SARS2: variants seen among roughly 807,000 people sequenced by gnomAD.
SARS2 encodes the protein seryl-tRNA synthetase 2, mitochondrial.
In SARS2, 52 loss-of-function variants were observed where a neutral mutation model predicts 66.8. The ratio of observed to expected loss-of-function variants is 0.78; its 90% CI spans 0.62 to 0.98. The LOEUF is 0.98. Among genes scored for constraint, SARS2 ranks in the 50% least tolerant of loss-of-function variants. The probability of loss-of-function intolerance (pLI) is 0.00; values close to 1 mark genes in which losing one functional copy is unlikely to be tolerated. For missense variants in SARS2, 673 were observed against 706.3 expected (o/e 0.95, Z 0.53); for synonymous variants, 306 against 281.4 (o/e 1.09, Z -0.87).
chr19:38,921,834 G>T (rs1450878053), intron 3 of SARS2, 167 bp from the exon 4 acceptor site: 1 of 1,317,926 alleles, frequency 7.6e-7, no homozygotes, highest in South Asian at 1.3e-5. Context: ...CACATGGCAG[G>T]TTTGTGGGGA....
At chr19:38,916,680 T>TTTTG (rs1974424983) in intron 12 of SARS2, among the ~76,000 whole-genome samples, 1 of 150,974 alleles carries the variant, frequency 6.6e-6, no homozygotes, top group Non-Finnish European at 1.5e-5. Flanking sequence ...TTTTTTTTTT[T>TTTTG]GAGACGGAGT....
intron 1 of SARS2, among the ~76,000 whole-genome samples, chr19:38,929,054 T>G (rs1458318862): frequency 1.3e-5 from 2 of 150,316 alleles, no homozygotes; most frequent in Non-Finnish European, 3.0e-5. Context: ...CCGTCTCTAC[T>G]AAAAATACAA....
chr19:38,921,855 G>T, intron 3 of SARS2, 188 bp from the exon 4 acceptor site: 1 of 1,324,400 alleles, frequency 7.6e-7, no homozygotes, highest in South Asian at 1.3e-5. Flanking sequence ...AAAGAATCAG[G>T]CCTGGCCAAC....
At position 38,918,424 on chromosome 19, in the gene SARS2, G is replaced by C; in HGVS notation, c.914C>G (p.Ala305Gly). Residue 305 changes from alanine to glycine, a missense_variant and splice_region_variant, in exon 9 of 16, where the codon GCA becomes GGA. By Grantham distance (60) the Ala-to-Gly change is moderately conservative. Coordinates refer to ENST00000221431, the MANE Select transcript of SARS2 (RefSeq NM_017827.4). Reference protein sequence around the residue: ...NLAGTAEVGLAGYFMDHTVAF... With the variant: ...NLAGTAEVGLGGYFMDHTVAF... ...CCACCACCCACACAGGTCCTCACCTGCAAGCCCCACCTCCGCTGTTCCAGC... is the reference window on the plus strand; with the variant it reads ...CCACCACCCACACAGGTCCTCACCTCCAAGCCCCACCTCCGCTGTTCCAGC... 3.7e-6 allele frequency: 6 copies of C among 1,613,178 alleles called. No homozygotes were observed. Among genetic ancestry groups the C allele is most frequent in the Non-Finnish European group, 3.4e-6 (4 of 1,179,134 alleles).
intron 12 of SARS2, 44 bp downstream of exon 12, chr19:38,917,680 T>G: frequency 1.1e-5 from 7 of 616,926 alleles, no homozygotes; most frequent in East Asian, 3.8e-5. Context: ...GTCCCTCCCC[T>G]ACCCCACCCC....
intron 15 of SARS2, 37 bp from the exon 16 acceptor site, chr19:38,915,786 C>T (rs1436543666): frequency 6.2e-7 from 1 of 1,612,440 alleles, no homozygotes; most frequent in African/African-American, 1.3e-5. Context: ...CTGCAGATGC[C>T]CCAGCCCTCC....
In SARS2 at chr19:38,920,954, C is replaced by G. The variant is rs58137960; in HGVS notation, c.589+438G>C. ...ACACACATAGACACACACACACAGA[C>G]ACAGACACAGATACAGACACACACA... On this transcript the variant is annotated intron_variant, in intron 5 of 15. Coordinates refer to ENST00000221431, the MANE Select transcript of SARS2 (RefSeq NM_017827.4). Among the ~76,000 whole-genome samples the G allele has an allele frequency of 2.1e-3, 87 of 41,246 alleles. 1 individual carries two copies. Among genetic ancestry groups the G allele is most frequent in the Non-Finnish European group, 2.8e-3 (62 of 21,780 alleles). 27.1% of individuals were successfully genotyped at this position (41,246 alleles called of 152,430 possible). A position where few individuals can be genotyped will look rare whatever the true frequency, so the allele number is the denominator to read the frequency against.
chr19:38,917,993 G>A lies in SARS2; in HGVS notation c.978C>T (p.Ser326=). ...RDLPVRMVCS[S]TCYRAETNTG... is the part of the protein sequence containing the mutation. ...TGTTTGTCTCTGCCCGGTAGCAGGT[G>A]CTGGAGCAAACCATCCTGGCAGAGA... Residue 326 remains serine (S), a synonymous_variant, in exon 11 of 16, where the codon AGC becomes AGT. Transcript: ENST00000221431. 1.2e-6 allele frequency: 2 copies of A among 1,602,746 alleles called. No homozygotes were observed. Among genetic ancestry groups the A allele is most frequent in the Non-Finnish European group, 1.7e-6 (2 of 1,174,396 alleles).
At chr19:38,920,824 TAC>T (rs1003711556) in intron 5 of SARS2, among the ~76,000 whole-genome samples, 1 of 139,126 alleles carries the variant, frequency 7.2e-6, no homozygotes, top group African/African-American at 2.7e-5. Context: ...GACAGACACA[TAC>T]ACACAGACAC....
chr19:38,918,797 G>A lies in SARS2; in HGVS notation c.776C>T (p.Thr259Met), dbSNP rs147888941. Reference protein sequence around the residue: ...KLLRRGFTPMTVPDLLRGAVF... With the variant: ...KLLRRGFTPMMVPDLLRGAVF... Reference sequence around the variant, plus strand: ...TGCTCCGCGGAGAAGGTCTGGCACCGTCATGGGGGTGAAGCCCTGTTCAGG... The same window carrying A: ...TGCTCCGCGGAGAAGGTCTGGCACCATCATGGGGGTGAAGCCCTGTTCAGG... Residue 259 changes from threonine to methionine, a missense_variant, in exon 8 of 16, where the codon ACG (threonine) becomes ATG (methionine). Thr to Met is a moderately conservative substitution (Grantham distance 81). Coordinates refer to ENST00000221431, the MANE Select transcript of SARS2 (RefSeq NM_017827.4). 55 of 1,561,404 alleles carry A rather than the reference G, an allele frequency of 3.5e-5. No individual in the cohort carries two copies. The highest frequency in any genetic ancestry group is 3.9e-5 in the Non-Finnish European group (45 of 1,152,058).
chr19:38,918,285 C>A, intron 9 of SARS2, 137 bp downstream of exon 9: 1 of 1,152,686 alleles, frequency 8.7e-7, no homozygotes, highest in South Asian at 1.3e-5. Flanking sequence ...CAGTAAACAA[C>A]CTACACAGCC....
intron 12 of SARS2, among the ~76,000 whole-genome samples, chr19:38,917,479 G>C (rs1974437211): frequency 6.6e-6 from 1 of 152,238 alleles, no homozygotes; most frequent in Non-Finnish European, 1.5e-5. Flanking sequence ...CAGGAGGAAA[G>C]GGGCCCGGGT....
intron 12 of SARS2, among the ~76,000 whole-genome samples, chr19:38,916,568 C>A (rs1035275125): frequency 2.0e-5 from 3 of 146,464 alleles, no homozygotes; most frequent in African/African-American, 7.3e-5. Context: ...GGGGGAAGCA[C>A]AAAAGAGGTT....
In SARS2 at chr19:38,917,919, G is replaced by A; in HGVS notation, c.1050+2C>T. The A allele has an allele frequency of 6.2e-7, 1 of 1,612,518 alleles. No individual in the cohort carries two copies. Among genetic ancestry groups the A allele is most frequent in the South Asian group, 1.1e-5 (1 of 90,874 alleles). ...GCCCCGTTTAGTCCCAGCGACACCA[G>A]CCTTGGTGAAGTGGTGTACTCGATA... On this transcript the variant is annotated splice_donor_variant, in intron 11 of 15. Coordinates refer to ENST00000221431, the MANE Select transcript of SARS2 (RefSeq NM_017827.4). LOFTEE classifies it low-confidence loss of function (GC_TO_GT_DONOR).
intron 1 of SARS2, 81 bp downstream of exon 1, chr19:38,930,389 C>G: frequency 6.7e-7 from 1 of 1,498,734 alleles, no homozygotes. Context: ...CAGGTTCGCC[C>G]CCTGCCGGAG....
chr19:38,922,541 C>T (rs1477880572), intron 2 of SARS2, among the ~76,000 whole-genome samples: 9 of 152,196 alleles, frequency 5.9e-5, no homozygotes, highest in Non-Finnish European at 1.3e-4. Flanking sequence ...GCCATGATTT[C>T]TTCAAAATCC....
At position 38,915,687 on chromosome 19, in the gene SARS2, G is replaced by A; in HGVS notation, c.1476C>T (p.Ala492=). Residue 492 remains alanine, a synonymous_variant, in exon 16 of 16, where the codon GCC becomes GCT. Transcript: ENST00000221431. ...QSYLGTDRIT[A]PTHVPLQYIG... is the part of the protein sequence containing the mutation. ...TGTACTGGAGAGGCACGTGGGTAGG[G>A]GCTGTGATCCGATCAGTGCCGAGGT... 1 of 1,613,312 alleles carries A rather than the reference G, an allele frequency of 6.2e-7. No homozygotes were observed.
intron 1 of SARS2, among the ~76,000 whole-genome samples, chr19:38,927,090 C>T (rs781250838): frequency 1.3e-5 from 2 of 151,962 alleles, no homozygotes; most frequent in Non-Finnish European, 2.9e-5. Context: ...GTACGTGCCA[C>T]TGCACCTGGC....
At chr19:38,927,668 A>C (rs116456245) in intron 1 of SARS2, among the ~76,000 whole-genome samples, 1 of 152,290 alleles carries the variant, frequency 6.6e-6, no homozygotes, top group African/African-American at 2.4e-5. Context: ...CCCAACAGCA[A>C]TGCACAACGA....
Sources: allele counts gnomAD v4.1 joint callset (sites outside exome capture counted in the v4.1 genomes callset), GRCh38; gene constraint gnomAD v4.1.1; transcripts MANE v1.5; gene names NCBI Gene and HGNC (gene_info 2026-07-23, HGNC 2026-07-21).